The following LMOD2 variants were observed in gnomAD, a reference collection of about 807,000 sequenced individuals.
The protein encoded by LMOD2 is leiomodin-2.
A neutral mutation model predicts 41.7 loss-of-function variants in LMOD2; 27 were observed. The observed-to-expected ratio is 0.65, with a 90% CI of 0.48 to 0.89. LMOD2 has a LOEUF of 0.89. LMOD2 is among the 40% of genes least tolerant of loss of function. The pLI, the probability that LMOD2 is intolerant of heterozygous loss-of-function variation, is 0.00. For missense variants in LMOD2, 624 were observed against 667.9 expected, an observed-to-expected ratio of 0.93 and a Z score of 0.72; for synonymous variants, 251 against 244.6, an observed-to-expected ratio of 1.03 and a Z score of -0.25.
rs961313341 is a variant in LMOD2 at position 123,659,803 on chromosome 7, G to C, written c.274-2057G>C. Among the ~76,000 whole-genome samples, 9 of 152,290 alleles carry C rather than the reference G, an allele frequency of 5.9e-5. No homozygotes were observed. In the South Asian group the frequency reaches 8.3e-4, roughly 14 times the overall value. ...ATGCGTCTGAGGGATATTTGGAGAG[G>C]ATGTCAAAGAAGGCTTTCTGGGAGA... On this transcript the variant is annotated intron_variant, in intron 1 of 2. Transcript: ENST00000458573.
At position 123,664,092 on chromosome 7, in the gene LMOD2, T is replaced by C. The variant is rs1802935026; in HGVS notation, c.*347T>C. 1 of 215,930 alleles carries C rather than the reference T, an allele frequency of 4.6e-6. No individual in the cohort carries two copies. Among genetic ancestry groups the C allele is most frequent in the Non-Finnish European group, 9.0e-6 (1 of 110,510 alleles). 13.4% of individuals were successfully genotyped at this position (215,930 alleles called of 1,614,324 possible). A position where few individuals can be genotyped will look rare whatever the true frequency, so the allele number is the denominator to read the frequency against. On this transcript the variant is annotated 3_prime_UTR_variant, in exon 3 of 3. Transcript: ENST00000458573. ...TAAATGTGGATTGAAGTTTTTTCCCTTTTTTTAAAGCCAAACTAATATTTT... is the reference window on the plus strand; with the variant it reads ...TAAATGTGGATTGAAGTTTTTTCCCCTTTTTTAAAGCCAAACTAATATTTT...
chr7:123,656,433 A>G (rs533110485), intron 1 of LMOD2, among the ~76,000 whole-genome samples, 197 bp downstream of exon 1: 5 of 152,222 alleles, frequency 3.3e-5, no homozygotes, highest in Non-Finnish European at 7.3e-5. Context: ...CATAATATGT[A>G]AAATTCTTAA....
Position 123,662,516 on chromosome 7 carries a change from G to T in LMOD2, c.930G>T (p.Met310Ile), listed in dbSNP as rs1394660134. ...GTTTCCATAACCAGAGGCACATCATGGGCAGCCAGGTGGAAATGGAGATTG... is the reference window on the plus strand; with the variant it reads ...GTTTCCATAACCAGAGGCACATCATTGGCAGCCAGGTGGAAATGGAGATTG... The part of the protein sequence containing the change: ...ELRFHNQRHI[M>I]GSQVEMEIVK... Residue 310 changes from methionine to isoleucine, a missense_variant, in exon 2 of 3, where the codon ATG (methionine) becomes ATT (isoleucine). Transcript: ENST00000458573. The surrounding 1 kb of genome is among the most constrained non-coding windows in gnomAD (Gnocchi z 4.0). 1.2e-6 allele frequency: 2 copies of T among 1,613,778 alleles called. No individual in the cohort carries two copies. Among genetic ancestry groups the T allele is most frequent in the South Asian group, 1.1e-5 (1 of 91,060 alleles).
In LMOD2 at chr7:123,655,892, T is replaced by C; in HGVS notation, c.-72T>C. On this transcript the variant is annotated 5_prime_UTR_variant, in exon 1 of 3. Coordinates refer to ENST00000458573, the MANE Select transcript of LMOD2 (RefSeq NM_207163.3). ...GTTGTTGACCAGCCTGCCACTTGCC[T>C]CCCTGCCTGCTTCTGGCCGCCTTGA... 6.9e-7 allele frequency: 1 copy of C among 1,444,720 alleles called. No homozygotes were observed. The allele number at this position is 1,444,720 out of a possible 1,614,324, so 89.5% of individuals were successfully genotyped here.
chr7:123,662,276 C>T lies in LMOD2; in HGVS notation c.690C>T (p.Thr230=), dbSNP rs759417423. 6.2e-7 allele frequency: 1 copy of T among 1,614,004 alleles called. No homozygotes were observed. The highest frequency in any genetic ancestry group is 8.5e-7 in the Non-Finnish European group (1 of 1,179,890). The change falls in exon 2 of 3, where the codon ACC becomes ACT. Residue 230 remains threonine, a synonymous_variant. Transcript: ENST00000458573. The surrounding 1 kb of genome is among the most constrained non-coding windows in gnomAD (Gnocchi z 4.0). ...NIENITTQTL[T]RFAEALKDNT... is the part of the protein sequence containing the mutation. The stretch of plus-strand genomic sequence containing the variant: ...AGAACATCACAACACAGACCCTTAC[C>T]CGCTTTGCTGAAGCCCTCAAGGACA...
chr7:123,661,331 G>A (rs1802871869), intron 1 of LMOD2, among the ~76,000 whole-genome samples: 1 of 152,234 alleles, frequency 6.6e-6, no homozygotes, highest in South Asian at 2.1e-4. Flanking sequence ...GTTGGCTTCT[G>A]TCACATCTGC....
chr7:123,657,607 TTC>T (rs1802808504), intron 1 of LMOD2, among the ~76,000 whole-genome samples: 2 of 152,090 alleles, frequency 1.3e-5, no homozygotes, highest in South Asian at 4.2e-4. Flanking sequence ...GGATTTTTTT[TTC>T]TTTGATGTGA....
At chr7:123,659,324 T>C (rs1298663875) in intron 1 of LMOD2, among the ~76,000 whole-genome samples, 1 of 152,216 alleles carries the variant, frequency 6.6e-6, no homozygotes, top group Non-Finnish European at 1.5e-5. Context: ...AAATCTGTAA[T>C]AAAACAGGCC....
rs1802883394 is a variant in LMOD2 at position 123,662,022 on chromosome 7, G to A, written c.436G>A (p.Gly146Arg). 1.3e-6 allele frequency: 2 copies of A among 1,573,370 alleles called. No individual in the cohort carries two copies. The highest frequency in any genetic ancestry group is 1.3e-5 in the African/African-American group (1 of 74,090). The change falls in exon 2 of 3, where the codon GGG becomes AGG. Residue 146 changes from glycine to arginine, a missense_variant. By Grantham distance (125) the Gly-to-Arg change is moderately radical. Transcript: ENST00000458573. The surrounding 1 kb of genome is among the most constrained non-coding windows in gnomAD (Gnocchi z 4.0). ...EEERTIETAK[G>R]INGTVNYDSV... ...GGAAAGAACAATTGAAACTGCAAAA[G>A]GGATTAATGGAACTGTAAATTATGA...
intron 1 of LMOD2, among the ~76,000 whole-genome samples, chr7:123,661,407 T>G (rs889713780): frequency 1.3e-4 from 20 of 152,230 alleles, no homozygotes; most frequent in Admixed American, 6.5e-5. Flanking sequence ...TGTATATTTT[T>G]GTTGTCATTT....
Position 123,664,165 on chromosome 7 carries a change from G to A in LMOD2, c.*420G>A, listed in dbSNP as rs529195831. On this transcript the variant is annotated 3_prime_UTR_variant, in exon 3 of 3. Transcript: ENST00000458573. ...AGATTTTTGTAATCTCGATAAATGTGTATTGAAGTTTTTTCCCTTTTTTTA... is the reference window on the plus strand; with the variant it reads ...AGATTTTTGTAATCTCGATAAATGTATATTGAAGTTTTTTCCCTTTTTTTA... 3 of 160,792 alleles carry A rather than the reference G, an allele frequency of 1.9e-5. No homozygotes were observed. The highest frequency in any genetic ancestry group is 2.7e-5 in the Non-Finnish European group (2 of 74,196). The allele number at this position is 160,792 out of a possible 1,614,324, so 10.0% of individuals were successfully genotyped here.
chr7:123,656,207 G>A lies in LMOD2; in HGVS notation c.244G>A (p.Glu82Lys). The change falls in exon 1 of 3, where the codon GAG becomes AAG. Residue 82 changes from glutamate (E) to lysine (K), a missense_variant. Transcript: ENST00000458573. ...YWEKESQKLL[E>K]KERLGECGKV... ...GGAAAAGGAGTCCCAAAAACTCTTG[G>A]AGAAGGAGAGGCTGGGGGAATGTGG... 6.2e-7 allele frequency: 1 copy of A among 1,609,284 alleles called. No individual in the cohort carries two copies. The highest frequency in any genetic ancestry group is 8.5e-7 in the Non-Finnish European group (1 of 1,178,070).
chr7:123,657,531 G>T (rs1318509942), intron 1 of LMOD2, among the ~76,000 whole-genome samples: 1 of 152,168 alleles, frequency 6.6e-6, no homozygotes, highest in Non-Finnish European at 1.5e-5. Flanking sequence ...GGGTGTGTTA[G>T]AAGGAAGGAC....
Position 123,663,745 on chromosome 7 carries a change from A to G in LMOD2, c.1644A>G (p.Ter548=). ...KRVEVPEALR[*] is the part of the protein sequence containing the mutation. ...TGGAAGTTCCAGAAGCCCTGCGATA[A>G]AAACATGATCTTTAGAAGAGGATGC... Residue 548 remains the stop codon, a stop_retained_variant, in exon 3 of 3, where the codon TAA becomes TAG. Coordinates refer to ENST00000458573, the MANE Select transcript of LMOD2 (RefSeq NM_207163.3). The G allele has an allele frequency of 6.3e-7, 1 of 1,577,012 alleles. No individual in the cohort carries two copies. Among genetic ancestry groups the G allele is most frequent in the Non-Finnish European group, 8.6e-7 (1 of 1,159,236 alleles).
At position 123,656,157 on chromosome 7, in the gene LMOD2, G is replaced by C; in HGVS notation, c.194G>C (p.Ser65Thr). 6.2e-7 allele frequency: 1 copy of C among 1,609,778 alleles called. No homozygotes were observed. The highest frequency in any genetic ancestry group is 8.5e-7 in the Non-Finnish European group (1 of 1,178,120). ...GAGAAAACCCCCACAGGGACATTCAGCAGAGAGGCACTGATGGCCTATTGG... is the reference window on the plus strand; with the variant it reads ...GAGAAAACCCCCACAGGGACATTCACCAGAGAGGCACTGATGGCCTATTGG... Reference protein sequence around the residue: ...LTEKTPTGTFSREALMAYWEK... With the variant: ...LTEKTPTGTFTREALMAYWEK... Residue 65 changes from serine (S) to threonine (T), a missense_variant, in exon 1 of 3, where the codon AGC (serine) becomes ACC (threonine). Coordinates refer to ENST00000458573, the MANE Select transcript of LMOD2 (RefSeq NM_207163.3).
chr7:123,662,846 ACCTCCTCCTCCTCCCCCT>A lies in LMOD2; in HGVS notation c.1282_1299del (p.Pro428_Pro433del), dbSNP rs1438358224. 2.2e-5 allele frequency: 35 copies of A among 1,578,902 alleles called. No homozygotes were observed. Among genetic ancestry groups the A allele is most frequent in the Non-Finnish European group, 2.3e-5 (27 of 1,164,728 alleles). On this transcript the variant is annotated inframe_deletion, in exon 2 of 3. Coordinates refer to ENST00000458573, the MANE Select transcript of LMOD2 (RefSeq NM_207163.3). This position sits in a 1 kb window ranked among gnomAD's most constrained non-coding sequence, Gnocchi z 4.0. ...GCCGTCCTCTGTCTCCTGTGGCCAC[ACCTCCTCCTCCTCCCCCT>A]CCTCCTCCTCCTCCCCCTCCTTCTT...
intron 2 of LMOD2, 127 bp downstream of exon 2, chr7:123,663,330 C>T: frequency 8.5e-7 from 1 of 1,177,164 alleles, no homozygotes; most frequent in Non-Finnish European, 1.2e-6. Context: ...TATGCGAGAG[C>T]AAACACACCA....
At position 123,656,169 on chromosome 7, in the gene LMOD2, T is replaced by TG; in HGVS notation, c.207dup (p.Met70AspfsTer31). 1 of 1,610,090 alleles carries TG rather than the reference T, an allele frequency of 6.2e-7. No individual in the cohort carries two copies. The highest frequency in any genetic ancestry group is 8.5e-7 in the Non-Finnish European group (1 of 1,178,270). ...ACAGGGACATTCAGCAGAGAGGCAC[T>TG]GATGGCCTATTGGGAAAAGGAGTCC... On this transcript the variant is annotated frameshift_variant, in exon 1 of 3. Transcript: ENST00000458573. LOFTEE classifies it high-confidence loss of function.
chr7:123,657,811 CA>C (rs1009900124), intron 1 of LMOD2, among the ~76,000 whole-genome samples: 3,386 of 35,966 alleles, frequency 0.094, 19 homozygotes, highest in Non-Finnish European at 0.13. Context: ...CTCATCTCTA[CA>C]AAAAAAAAAA....
Sources: gnomAD v4.1 joint callset for allele counts (sites outside exome capture counted in the v4.1 genomes callset) on GRCh38, gnomAD v4.1.1 for gene constraint, Gnocchi (gnomAD v3.1) non-coding constraint, MANE v1.5 for transcripts, NCBI Gene and HGNC (gene_info 2026-07-23, HGNC 2026-07-21) for gene names.